The following FAM149B1 variants were observed in gnomAD, a reference collection of about 807,000 sequenced individuals.
FAM149B1 encodes the protein family with sequence similarity 149 member B1.
In FAM149B1, 56 loss-of-function variants were observed where a neutral mutation model predicts 75.3. That is an observed-to-expected ratio of 0.74 (90% CI 0.60 to 0.93). The LOEUF (loss-of-function observed/expected upper bound fraction) is 0.93, where lower values mean the gene tolerates loss of function less well. Ranked by LOEUF, FAM149B1 falls within the 40% of genes least tolerant of loss-of-function variation. The pLI is 0.00. For missense variants in FAM149B1, 639 were observed against 708.4 expected, an observed-to-expected ratio of 0.90 and a Z score of 1.11; for synonymous variants, 259 against 256.1, an observed-to-expected ratio of 1.01 and a Z score of -0.11.
At chr10:73,191,735 T>G (rs975538749) in intron 3 of FAM149B1, among the ~76,000 whole-genome samples, 6 of 152,282 alleles carry the variant, frequency 3.9e-5, no homozygotes, top group Non-Finnish European at 8.8e-5. Context: ...CACAGGGTTT[T>G]CCATCTAAAA....
intron 13 of FAM149B1, among the ~76,000 whole-genome samples, chr10:73,240,338 T>C (rs1223019885): frequency 1.3e-5 from 2 of 152,226 alleles, no homozygotes; most frequent in African/African-American, 4.8e-5. Flanking sequence ...CCCCGCAGCA[T>C]TGTCTGGTAG....
chr10:73,238,068 G>C (rs901835276), intron 12 of FAM149B1, among the ~76,000 whole-genome samples: 1 of 152,114 alleles, frequency 6.6e-6, no homozygotes, highest in African/African-American at 2.4e-5. Context: ...GCTGTGAGCC[G>C]GCTGCAGTGG....
At chr10:73,212,129 T>G (rs905385375) in intron 7 of FAM149B1, among the ~76,000 whole-genome samples, 4 of 152,316 alleles carry the variant, frequency 2.6e-5, no homozygotes, top group African/African-American at 7.2e-5. Flanking sequence ...ACAGCCTTTA[T>G]GGAAAAAAGC....
At chr10:73,192,760 T>TA (rs562300289) in intron 4 of FAM149B1, 62 bp downstream of exon 4, 231 of 1,369,146 alleles carry the variant, frequency 1.7e-4, no homozygotes, top group South Asian at 2.3e-4. Flanking sequence ...AAAGTAGATT[T>TA]AAAAAAAAAG....
rs541141524 is a variant in FAM149B1 at position 73,224,960 on chromosome 10, G to A, written c.899-3100G>A. ...TCAATGTTGGACCACATATATGATGGTCTCATAAGATTATAATGGAGCTGA... is the reference window on the plus strand; with the variant it reads ...TCAATGTTGGACCACATATATGATGATCTCATAAGATTATAATGGAGCTGA... On this transcript the variant is annotated intron_variant, in intron 7 of 13. Coordinates refer to ENST00000242505, the MANE Select transcript of FAM149B1 (RefSeq NM_173348.2). 4.6e-5 allele frequency among the ~76,000 whole-genome samples: 7 copies of A among 152,240 alleles called. No homozygotes were observed. In the East Asian group the frequency reaches 1.4e-3, roughly 29 times the overall value.
chr10:73,205,196 T>C (rs2043028964), intron 5 of FAM149B1, among the ~76,000 whole-genome samples: 1 of 151,960 alleles, frequency 6.6e-6, no homozygotes, highest in African/African-American at 2.4e-5. Flanking sequence ...TGTAGAATTA[T>C]AATCCCTAGT....
At chr10:73,202,580 G>A (rs565135855) in intron 5 of FAM149B1, among the ~76,000 whole-genome samples, 3 of 152,078 alleles carry the variant, frequency 2.0e-5, no homozygotes, top group East Asian at 1.9e-4. Context: ...TTACAGGTGT[G>A]AGCCACCACG....
intron 3 of FAM149B1, 72 bp from the exon 4 acceptor site, chr10:73,192,484 T>C: frequency 7.0e-7 from 1 of 1,427,434 alleles, no homozygotes; most frequent in Non-Finnish European, 9.5e-7. Flanking sequence ...TCTTACTGCT[T>C]TTAATCTTTA....
chr10:73,175,730 A>G (rs999325253), intron 2 of FAM149B1, among the ~76,000 whole-genome samples: 1 of 151,904 alleles, frequency 6.6e-6, no homozygotes, highest in Non-Finnish European at 1.5e-5. Context: ...AAAGAGCAAG[A>G]TTATAAAAAA....
intron 5 of FAM149B1, among the ~76,000 whole-genome samples, chr10:73,194,609 C>T (rs542268085): frequency 4.0e-5 from 6 of 151,788 alleles, no homozygotes; most frequent in African/African-American, 7.3e-5. Flanking sequence ...ATGATCCACC[C>T]GCCTCAGCCT....
intron 7 of FAM149B1, among the ~76,000 whole-genome samples, chr10:73,215,252 C>CT (rs2043270968): frequency 6.6e-6 from 1 of 152,290 alleles, no homozygotes; most frequent in Non-Finnish European, 1.5e-5. Context: ...AACTCCTCAC[C>CT]TCAAGTGATC....
chr10:73,213,064 C>T (rs2043222073), intron 7 of FAM149B1, among the ~76,000 whole-genome samples: 1 of 152,118 alleles, frequency 6.6e-6, no homozygotes, highest in African/African-American at 2.4e-5. Context: ...CTGGGCTGGT[C>T]TCAAACTCCT....
At chr10:73,206,548 A>T (rs1043041451) in intron 5 of FAM149B1, among the ~76,000 whole-genome samples, 3 of 152,236 alleles carry the variant, frequency 2.0e-5, no homozygotes, top group Admixed American at 6.5e-5. Flanking sequence ...AGACCTTCAC[A>T]GCAGCCCCTC....
chr10:73,229,734 C>T (rs949566137), intron 8 of FAM149B1, among the ~76,000 whole-genome samples: 5 of 152,122 alleles, frequency 3.3e-5, no homozygotes, highest in Admixed American at 1.3e-4. Context: ...ACGTTCTGGT[C>T]GCTGATGACC....
At chr10:73,201,762 A>G (rs1220248743) in intron 5 of FAM149B1, among the ~76,000 whole-genome samples, 2 of 152,192 alleles carry the variant, frequency 1.3e-5, no homozygotes, top group Admixed American at 1.3e-4. Flanking sequence ...AAGCCCCAGC[A>G]AGCAATCATA....
At chr10:73,174,166 T>G (rs1417754035) in intron 1 of FAM149B1, among the ~76,000 whole-genome samples, 1 of 152,224 alleles carries the variant, frequency 6.6e-6, no homozygotes, top group Admixed American at 6.5e-5. Context: ...TTCATTTCTC[T>G]AGGCATAATG....
Position 73,243,297 on chromosome 10 carries a change from CT to C in FAM149B1, c.*2282del. Reference sequence around the variant, plus strand: ...TGAAAAATTCAGGCTGGAAAGACACCTTTTCTCAAGAGCTGAATTGACTTTT... The same window carrying C: ...TGAAAAATTCAGGCTGGAAAGACACCTTTCTCAAGAGCTGAATTGACTTTT... On this transcript the variant is annotated 3_prime_UTR_variant, in exon 14 of 14. Coordinates refer to ENST00000242505, the MANE Select transcript of FAM149B1 (RefSeq NM_173348.2). The C allele has an allele frequency of 2.2e-6, 3 of 1,363,242 alleles. No homozygotes were observed. The highest frequency in any genetic ancestry group is 3.0e-6 in the Non-Finnish European group (3 of 990,332). The allele number at this position is 1,363,242 out of a possible 1,614,324, so 84.4% of individuals were successfully genotyped here.
chr10:73,202,180 G>C (rs1467502819), intron 5 of FAM149B1, among the ~76,000 whole-genome samples: 3 of 152,048 alleles, frequency 2.0e-5, no homozygotes, highest in Admixed American at 6.6e-5. Context: ...CAAAAAGAAA[G>C]AAATAACATT....
intron 3 of FAM149B1, among the ~76,000 whole-genome samples, chr10:73,184,100 C>CT (rs2042464541): frequency 1.3e-5 from 2 of 152,252 alleles, no homozygotes; most frequent in Admixed American, 1.3e-4. Context: ...CTACACATCC[C>CT]TGGCTGACCG....
Sources: gnomAD v4.1 joint callset for allele counts (sites outside exome capture counted in the v4.1 genomes callset) on GRCh38, gnomAD v4.1.1 for gene constraint, MANE v1.5 for transcripts, NCBI Gene and HGNC (gene_info 2026-07-23, HGNC 2026-07-21) for gene names.